Variants in ABTB3 observed in about 807,000 individuals in gnomAD.
The protein encoded by ABTB3 is ankyrin repeat- and BTB/POZ domain-containing protein 3.
the ABTB3 span, among the ~76,000 whole-genome samples, chr12:107,400,623 G>A: frequency 6.6e-6 from 1 of 152,272 alleles, no homozygotes; most frequent in East Asian, 1.9e-4. Context: ...TGAACATTCA[G>A]TGAGATGAAG....
At chr12:107,486,992 G>A in the ABTB3 span, among the ~76,000 whole-genome samples, 1 of 152,164 alleles carries the variant, frequency 6.6e-6, no homozygotes, top group African/African-American at 2.4e-5. Context: ...CCATTTGGCT[G>A]CCATAGGCCC....
the ABTB3 span, among the ~76,000 whole-genome samples, chr12:107,472,711 C>T: frequency 1.3e-5 from 2 of 152,312 alleles, no homozygotes; most frequent in East Asian, 1.9e-4. Context: ...GAACATCCGC[C>T]GTTCGGTTCC....
the ABTB3 span, among the ~76,000 whole-genome samples, chr12:107,499,181 C>G: frequency 6.6e-6 from 1 of 152,174 alleles, no homozygotes; most frequent in African/African-American, 2.4e-5. Flanking sequence ...TCCCAGCATT[C>G]AAGTCCTGTG....
At chr12:107,547,733 C>T in the ABTB3 span, among the ~76,000 whole-genome samples, 3 of 152,154 alleles carry the variant, frequency 2.0e-5, no homozygotes, top group East Asian at 1.9e-4. Context: ...AATCCCAGCT[C>T]GGCTTCTTGT....
the ABTB3 span, among the ~76,000 whole-genome samples, chr12:107,386,823 G>A: frequency 6.6e-6 from 1 of 151,958 alleles, no homozygotes; most frequent in African/African-American, 2.4e-5. Context: ...TCATGGTGAT[G>A]TCCTTGATAG....
At chr12:107,377,311 C>CA in the ABTB3 span, among the ~76,000 whole-genome samples, 15 of 152,340 alleles carry the variant, frequency 9.8e-5, no homozygotes, top group African/African-American at 3.6e-4. Flanking sequence ...GACTGCATCA[C>CA]AGTCTAACTT....
At chr12:107,631,437 TAG>T in the ABTB3 span, among the ~76,000 whole-genome samples, 4 of 152,192 alleles carry the variant, frequency 2.6e-5, no homozygotes, top group African/African-American at 9.7e-5. Context: ...GTCTTTTGGG[TAG>T]AGTGATTTCT....
chr12:107,559,340 C>T, the ABTB3 span, among the ~76,000 whole-genome samples: 2 of 152,054 alleles, frequency 1.3e-5, no homozygotes, highest in African/African-American at 4.8e-5. Context: ...GAACTGACAG[C>T]CCCGTGTGTG....
chr12:107,535,042 A>C, the ABTB3 span, among the ~76,000 whole-genome samples: 2 of 152,334 alleles, frequency 1.3e-5, no homozygotes, highest in African/African-American at 4.8e-5. Flanking sequence ...AAAAATCCCA[A>C]CAAAATACTA....
chr12:107,429,965 C>T, the ABTB3 span, among the ~76,000 whole-genome samples: 1 of 152,180 alleles, frequency 6.6e-6, no homozygotes, highest in African/African-American at 2.4e-5. Context: ...TAATTATTTA[C>T]TAATAAGCAT....
the ABTB3 span, among the ~76,000 whole-genome samples, chr12:107,405,682 G>C: frequency 6.6e-6 from 1 of 152,256 alleles, no homozygotes; most frequent in Non-Finnish European, 1.5e-5. Context: ...AAGAGAAGCC[G>C]GTCCCTGGGG....
At chr12:107,485,511 G>A in the ABTB3 span, among the ~76,000 whole-genome samples, 1 of 152,050 alleles carries the variant, frequency 6.6e-6, no homozygotes, top group South Asian at 2.1e-4. Context: ...GTGACTCTGG[G>A]TCTGTTTGTG....
chr12:107,375,357 G>T, the ABTB3 span, among the ~76,000 whole-genome samples: 1 of 152,170 alleles, frequency 6.6e-6, no homozygotes, highest in Non-Finnish European at 1.5e-5. Flanking sequence ...GATTAAGGCT[G>T]CAGTGAGCCA....
chr12:107,579,180 G>A, the ABTB3 span, among the ~76,000 whole-genome samples: 1 of 152,186 alleles, frequency 6.6e-6, no homozygotes, highest in Non-Finnish European at 1.5e-5. Context: ...ATTTTTAAAG[G>A]GCTTGAAGCC....
chr12:107,598,417 G>T, the ABTB3 span, among the ~76,000 whole-genome samples: 2 of 152,176 alleles, frequency 1.3e-5, no homozygotes, highest in African/African-American at 4.8e-5. Flanking sequence ...TAATCACATG[G>T]CTATAGCCAG....
the ABTB3 span, among the ~76,000 whole-genome samples, chr12:107,537,269 G>C: frequency 6.6e-6 from 1 of 152,248 alleles, no homozygotes; most frequent in South Asian, 2.1e-4. Flanking sequence ...GTTGGTTATG[G>C]ATACAAACTT....
At chr12:107,400,872 A>T in the ABTB3 span, among the ~76,000 whole-genome samples, 1 of 152,100 alleles carries the variant, frequency 6.6e-6, no homozygotes, top group African/African-American at 2.4e-5. Context: ...CTGGCAGTGA[A>T]TTGATTACTT....
chr12:107,518,011 T>C, the ABTB3 span, among the ~76,000 whole-genome samples: 1 of 152,134 alleles, frequency 6.6e-6, no homozygotes, highest in African/African-American at 2.4e-5. Context: ...CATGAAAAAA[T>C]GCTCATCATC....
At chr12:107,437,828 A>G in the ABTB3 span, among the ~76,000 whole-genome samples, 1 of 152,248 alleles carries the variant, frequency 6.6e-6, no homozygotes, top group East Asian at 1.9e-4. Flanking sequence ...TCCCAGAATA[A>G]GGTCACATTC....
Sources: allele counts gnomAD v4.1 joint callset (sites outside exome capture counted in the v4.1 genomes callset), GRCh38; gene constraint gnomAD v4.1.1; transcripts MANE v1.5; gene names NCBI Gene and HGNC (gene_info 2026-07-23, HGNC 2026-07-21).